The following GRB2 variants were observed in gnomAD, a reference collection of about 807,000 sequenced individuals.
The protein encoded by GRB2 is growth factor receptor bound protein 2, also known as growth factor receptor-bound protein 2.
A neutral mutation model predicts 27.4 loss-of-function variants in GRB2; 2 were observed. That is an observed-to-expected ratio of 0.07 (90% CI 0.03 to 0.23). The LOEUF (loss-of-function observed/expected upper bound fraction) is 0.23. Ranked by LOEUF, GRB2 falls within the 10% of genes least tolerant of loss-of-function variation. GRB2 has a pLI of 1.00. For synonymous variants in GRB2, 94 were observed against 99.6 expected (o/e 0.94, Z 0.33); for missense variants, 102 against 282.4 (o/e 0.36, Z 4.58).
At chr17:75,361,393 A>T (rs2078780714) in intron 2 of GRB2, among the ~76,000 whole-genome samples, 1 of 152,198 alleles carries the variant, frequency 6.6e-6, no homozygotes. Context: ...ATAGGACAAG[A>T]TGGTCTCCTA....
intron 4 of GRB2, among the ~76,000 whole-genome samples, chr17:75,325,211 G>C (rs1457439271): frequency 6.6e-6 from 1 of 152,172 alleles, no homozygotes; most frequent in Non-Finnish European, 1.5e-5. Context: ...CTGATGAAGT[G>C]ATCTGCCGGA....
intron 1 of GRB2, chr17:75,405,214 T>G (rs2079091698): frequency 6.6e-6 from 1 of 150,986 alleles, no homozygotes. Context: ...GTGCAAACCC[T>G]CCCGATGAAG....
chr17:75,321,884 G>C, intron 4 of GRB2, 57 bp from the exon 5 acceptor site: 1 of 1,555,894 alleles, frequency 6.4e-7, no homozygotes, highest in Admixed American at 1.7e-5. Context: ...GGCAAATCGA[G>C]GGTATTTCCA....
chr17:75,361,687 C>G (rs1306454547), intron 2 of GRB2, among the ~76,000 whole-genome samples: 1 of 152,098 alleles, frequency 6.6e-6, no homozygotes, highest in Non-Finnish European at 1.5e-5. Context: ...GGGCATTAAA[C>G]TCCCCACCAA....
intron 2 of GRB2, among the ~76,000 whole-genome samples, chr17:75,390,490 A>C (rs2145870476): frequency 6.6e-6 from 1 of 152,326 alleles, no homozygotes; most frequent in South Asian, 2.1e-4. Flanking sequence ...TGAAACCTGC[A>C]GTGGAAGGGC....
chr17:75,339,312 G>C (rs529152353), intron 2 of GRB2, among the ~76,000 whole-genome samples: 1 of 150,294 alleles, frequency 6.7e-6, no homozygotes, highest in Non-Finnish European at 1.5e-5. Context: ...TCCTGCCTCA[G>C]CCTCCTGAGT....
At chr17:75,394,036 G>C (rs1276593992) in intron 1 of GRB2, 1 of 210,504 alleles carries the variant, frequency 4.8e-6, no homozygotes, top group Non-Finnish European at 9.7e-6. Context: ...TGTGCACTGC[G>C]TGCAGGAACC....
intron 5 of GRB2, among the ~76,000 whole-genome samples, chr17:75,321,169 CTTTT>C (rs61287852): frequency 3.0e-4 from 36 of 120,050 alleles, no homozygotes; most frequent in African/African-American, 1.1e-3. Flanking sequence ...AACAACAAAT[CTTTT>C]TTTTTTTTTT....
At chr17:75,323,956 T>C (rs887707612) in intron 4 of GRB2, among the ~76,000 whole-genome samples, 3 of 151,714 alleles carry the variant, frequency 2.0e-5, no homozygotes, top group African/African-American at 4.9e-5. Flanking sequence ...AATACAGGCA[T>C]GTGCCACCAC....
At chr17:75,403,157 T>A (rs6501790) in intron 1 of GRB2, among the ~76,000 whole-genome samples, 25,347 of 79,816 alleles carry the variant, frequency 0.32, 4,318 homozygotes, top group African/African-American at 0.51. Flanking sequence ...CCAAAAAAAA[T>A]ATATATATAT....
At chr17:75,384,139 C>G (rs538547957) in intron 2 of GRB2, among the ~76,000 whole-genome samples, 3 of 152,092 alleles carry the variant, frequency 2.0e-5, no homozygotes, top group African/African-American at 7.2e-5. Context: ...GCCAAAAGGA[C>G]GAAGGTTTTC....
At chr17:75,397,496 C>CA (rs962203446) in intron 1 of GRB2, among the ~76,000 whole-genome samples, 2 of 152,066 alleles carry the variant, frequency 1.3e-5, no homozygotes, top group Non-Finnish European at 2.9e-5. Flanking sequence ...CTACTGTATC[C>CA]AAAAAAACTA....
intron 1 of GRB2, among the ~76,000 whole-genome samples, chr17:75,404,209 A>C (rs1473445710): frequency 6.6e-6 from 1 of 152,170 alleles, no homozygotes; most frequent in Non-Finnish European, 1.5e-5. Flanking sequence ...TAAAAGAAAA[A>C]GAGTAAAAGA....
At chr17:75,332,091 A>ACTCC (rs2078545077) in intron 3 of GRB2, among the ~76,000 whole-genome samples, 1 of 152,148 alleles carries the variant, frequency 6.6e-6, no homozygotes, top group Non-Finnish European at 1.5e-5. Flanking sequence ...GTGGGTGAGA[A>ACTCC]CGGGAGGACA....
At chr17:75,385,419 C>T (rs1253578041) in intron 2 of GRB2, among the ~76,000 whole-genome samples, 4 of 152,132 alleles carry the variant, frequency 2.6e-5, no homozygotes, top group African/African-American at 9.7e-5. Flanking sequence ...TGCTTGTAAT[C>T]CCAGCTACTC....
At chr17:75,354,939 T>G (rs565705379) in intron 2 of GRB2, among the ~76,000 whole-genome samples, 7 of 152,038 alleles carry the variant, frequency 4.6e-5, no homozygotes, top group Admixed American at 4.6e-4. Context: ...TCCCAAGTAG[T>G]TGGGATTACA....
In GRB2 at chr17:75,325,880, G is replaced by A. The variant is rs375142362; in HGVS notation, c.299+18C>T. ...GTCAGAGACAGGATTCCAGGCAACT[G>A]CAGCAGGAAATACTTACTTGACAGA... On this transcript the variant is annotated intron_variant, in intron 4 of 5. Coordinates refer to ENST00000316804, the MANE Select transcript of GRB2 (RefSeq NM_002086.5). 6.0e-5 allele frequency: 97 copies of A among 1,612,550 alleles called. 1 individual carries two copies. The African/African-American group carries it at 1.2e-3, about 20-fold the overall frequency.
chr17:75,367,107 A>T (rs899668502), intron 2 of GRB2, among the ~76,000 whole-genome samples: 8 of 152,192 alleles, frequency 5.3e-5, no homozygotes, highest in Non-Finnish European at 1.2e-4. Context: ...ACTATAACCA[A>T]TTCAGAAAGT....
intron 2 of GRB2, 73 bp from the exon 3 acceptor site, chr17:75,332,870 TATGC>T: frequency 1.0e-6 from 1 of 966,066 alleles, no homozygotes; most frequent in Non-Finnish European, 1.6e-6. Flanking sequence ...ACAAGACAAT[TATGC>T]TATCTTTTAG....
Sources: gnomAD v4.1 joint callset for allele counts (sites outside exome capture counted in the v4.1 genomes callset) on GRCh38, gnomAD v4.1.1 for gene constraint, MANE v1.5 for transcripts, NCBI Gene and HGNC (gene_info 2026-07-23, HGNC 2026-07-21) for gene names.